Variants in SEC14L1 observed in about 807,000 individuals in gnomAD.
The protein encoded by SEC14L1 is SEC14 like lipid binding 1, also known as SEC14-like protein 1.
Under a neutral mutation model 85.3 loss-of-function variants are expected in SEC14L1, and 48 were observed. The observed-to-expected ratio is 0.56, with a 90% CI of 0.45 to 0.72. The LOEUF (loss-of-function observed/expected upper bound fraction) is 0.72, where lower values mean the gene tolerates loss of function less well. Ranked by LOEUF, SEC14L1 falls within the 30% of genes least tolerant of loss-of-function variation. The pLI is 0.00. For synonymous variants in SEC14L1, 391 were observed against 355.5 expected, an observed-to-expected ratio of 1.10 and a Z score of -1.12; for missense variants, 682 against 921.4, an observed-to-expected ratio of 0.74 and a Z score of 3.36.
chr17:77,202,845 G>A (rs917230163), intron 9 of SEC14L1, among the ~76,000 whole-genome samples: 3 of 151,396 alleles, frequency 2.0e-5, no homozygotes, highest in Non-Finnish European at 4.4e-5. Flanking sequence ...GCTTGAACCT[G>A]CAGGCAGAGG....
chr17:77,206,706 C>A lies in SEC14L1; in HGVS notation c.1342-22C>A. The A allele has an allele frequency of 6.3e-7, 1 of 1,578,436 alleles. No individual in the cohort carries two copies. Among genetic ancestry groups the A allele is most frequent in the Admixed American group, 1.9e-5 (1 of 52,008 alleles). ...CTCAGGCAGCAGAGAAATATGACTG[C>A]ATGGTCTTCTCCTCCTCACAGGTTA... is the stretch of plus-strand genomic sequence containing the variant. On this transcript the variant is annotated intron_variant, in intron 12 of 16. Coordinates refer to ENST00000436233, the MANE Select transcript of SEC14L1 (RefSeq NM_001143998.2). The surrounding 1 kb of genome is among the most constrained non-coding windows in gnomAD (Gnocchi z 4.3).
At chr17:77,201,537 A>C (rs1438389462) in intron 9 of SEC14L1, among the ~76,000 whole-genome samples, 1 of 145,416 alleles carries the variant, frequency 6.9e-6, no homozygotes, top group Non-Finnish European at 1.5e-5. Flanking sequence ...TGCACCCTCC[A>C]CCTTCCGGGT....
At position 77,142,644 on chromosome 17, in the gene SEC14L1, A is replaced by T. The variant is rs1038429711; in HGVS notation, c.-135-2A>T. The stretch of plus-strand genomic sequence containing the variant: ...TTTGTCTCTCTCTTTTTTTTTTAAC[A>T]GCTAGACTTCGGGCTCCTTGAGGAT... On this transcript the variant is annotated splice_acceptor_variant, in intron 1 of 16. Transcript: ENST00000436233. LOFTEE classifies it low-confidence loss of function (5UTR_SPLICE). The T allele has an allele frequency of 2.7e-5, 4 of 150,722 alleles. No individual in the cohort carries two copies. Among genetic ancestry groups the T allele is most frequent in the African/African-American group, 9.8e-5 (4 of 41,010 alleles). The allele number at this position is 150,722 out of a possible 1,614,324, so 9.3% of individuals were successfully genotyped here. A position where few individuals can be genotyped will look rare whatever the true frequency, so the allele number is the denominator to read the frequency against.
chr17:77,157,234 T>A (rs545437359), intron 3 of SEC14L1, among the ~76,000 whole-genome samples: 2 of 152,326 alleles, frequency 1.3e-5, no homozygotes, highest in East Asian at 3.9e-4. Context: ...AAGTGGTCAT[T>A]GGTATGTTGC....
intron 3 of SEC14L1, among the ~76,000 whole-genome samples, chr17:77,109,891 C>A (rs1458478841): frequency 6.6e-6 from 1 of 152,174 alleles, no homozygotes; most frequent in Non-Finnish European, 1.5e-5. Flanking sequence ...ATGCTGATAT[C>A]CTAATATGCC....
At chr17:77,202,737 C>T (rs1976218479) in intron 9 of SEC14L1, among the ~76,000 whole-genome samples, 1 of 151,824 alleles carries the variant, frequency 6.6e-6, no homozygotes, top group African/African-American at 2.4e-5. Flanking sequence ...CTGGGCAACA[C>T]GGTGAAACCC....
rs769643375 is a variant in SEC14L1 at position 77,193,492 on chromosome 17, T to G, written c.417T>G (p.Gly139=). ...GTTTAGATATTAAATCTTTCTTTGG[T>G]TTTGAAAGTACAGTGGAAAAAATTG... is the stretch of plus-strand genomic sequence containing the variant. ...SASLDIKSFF[G]FESTVEKIAM... The change falls in exon 6 of 17, where the codon GGT becomes GGG. Residue 139 remains glycine, a synonymous_variant. Coordinates refer to ENST00000436233, the MANE Select transcript of SEC14L1 (RefSeq NM_001143998.2). The G allele has an allele frequency of 3.1e-6, 5 of 1,612,880 alleles. No homozygotes were observed. The East Asian group carries it at 1.1e-4, about 36-fold the overall frequency.
chr17:77,178,489 T>TG (rs2143724341), intron 3 of SEC14L1, among the ~76,000 whole-genome samples: 1 of 152,338 alleles, frequency 6.6e-6, no homozygotes, highest in East Asian at 1.9e-4. Flanking sequence ...GTGTCACTGT[T>TG]GCCTGCTAAT....
In SEC14L1 at chr17:77,213,792, C is replaced by A; in HGVS notation, c.2043-126C>A. ...GTTACTCATGTCCATCCCCCGTTTG[C>A]AAGCACTGATGGGGATGAGAAGTGA... On this transcript the variant is annotated intron_variant, in intron 16 of 16. Transcript: ENST00000436233. The surrounding 1 kb of genome is among the most constrained non-coding windows in gnomAD (Gnocchi z 7.1). The A allele has an allele frequency of 8.0e-7, 1 of 1,251,224 alleles. No individual in the cohort carries two copies. Among genetic ancestry groups the A allele is most frequent in the Non-Finnish European group, 1.2e-6 (1 of 863,034 alleles). The allele number at this position is 1,251,224 out of a possible 1,614,324, so 77.5% of individuals were successfully genotyped here. A position where few individuals can be genotyped will look rare whatever the true frequency, so the allele number is the denominator to read the frequency against.
intron 3 of SEC14L1, among the ~76,000 whole-genome samples, chr17:77,121,776 A>G (rs1020648195): frequency 1.3e-5 from 2 of 152,226 alleles, no homozygotes; most frequent in African/African-American, 4.8e-5. Flanking sequence ...TTAACGGTGA[A>G]TCAGGAGCTG....
chr17:77,109,316 C>G (rs893396715), intron 3 of SEC14L1, among the ~76,000 whole-genome samples: 9 of 152,138 alleles, frequency 5.9e-5, no homozygotes, highest in African/African-American at 1.9e-4. Context: ...GTTGCCCAGG[C>G]TGGTCTCAAA....
intron 3 of SEC14L1, among the ~76,000 whole-genome samples, chr17:77,106,505 C>T (rs1047409491): frequency 1.3e-5 from 2 of 151,836 alleles, no homozygotes; most frequent in Non-Finnish European, 2.9e-5. Context: ...GCACTCCAGC[C>T]TGGGCAACAG....
intron 3 of SEC14L1, among the ~76,000 whole-genome samples, chr17:77,160,347 A>G (rs564895066): frequency 1.4e-4 from 22 of 152,340 alleles, no homozygotes; most frequent in Middle Eastern, 3.4e-3. Flanking sequence ...TCTGAAGGGG[A>G]ATATGCACAC....
chr17:77,104,912 C>G (rs2143334015), intron 3 of SEC14L1, among the ~76,000 whole-genome samples: 1 of 151,650 alleles, frequency 6.6e-6, no homozygotes, highest in East Asian at 1.9e-4. Flanking sequence ...CAGGGCACAG[C>G]TTGGTTTTAT....
chr17:77,177,994 T>G (rs575866835), intron 3 of SEC14L1, among the ~76,000 whole-genome samples: 1 of 152,110 alleles, frequency 6.6e-6, no homozygotes, highest in South Asian at 2.1e-4. Flanking sequence ...AATGCCCTAG[T>G]TCTTTGCTAA....
chr17:77,140,907 C>T (rs1460951270), upstream of SEC14L1: 1 of 151,286 alleles, frequency 6.6e-6, no homozygotes, highest in Non-Finnish European at 1.5e-5. Flanking sequence ...TCCCGGCGCC[C>T]GGCCCCGCCC....
intron 3 of SEC14L1, among the ~76,000 whole-genome samples, chr17:77,135,486 C>G (rs2143464603): frequency 6.6e-6 from 1 of 152,208 alleles, no homozygotes; most frequent in East Asian, 1.9e-4. Context: ...CTTTCTTTCT[C>G]TCTTTGTCTT....
At chr17:77,117,941 G>A (rs1270744086) in intron 3 of SEC14L1, among the ~76,000 whole-genome samples, 2 of 152,232 alleles carry the variant, frequency 1.3e-5, no homozygotes, top group Admixed American at 6.5e-5. Flanking sequence ...ACACAAGGCT[G>A]GCACTGAAGT....
At chr17:77,098,826 C>G (rs1971704934) in intron 3 of SEC14L1, among the ~76,000 whole-genome samples, 1 of 152,160 alleles carries the variant, frequency 6.6e-6, no homozygotes, top group Non-Finnish European at 1.5e-5. Flanking sequence ...ACACTAGCTC[C>G]TTGAGAGTGG....
Sources: allele counts gnomAD v4.1 joint callset (sites outside exome capture counted in the v4.1 genomes callset), GRCh38; gene constraint gnomAD v4.1.1; non-coding constraint Gnocchi (gnomAD v3.1); transcripts MANE v1.5; gene names NCBI Gene and HGNC (gene_info 2026-07-23, HGNC 2026-07-21).